Variants in NALCN observed in about 807,000 individuals in gnomAD.
The protein encoded by NALCN is sodium leak channel, non-selective.
Under a neutral mutation model 225.3 loss-of-function variants are expected in NALCN, and 111 were observed. The observed-to-expected ratio is 0.49, with a 90% confidence interval of 0.42 to 0.58. The LOEUF (loss-of-function observed/expected upper bound fraction) is 0.58, where lower values mean the gene tolerates loss of function less well. Among genes scored for constraint, NALCN ranks in the 20% least tolerant of loss-of-function variants. NALCN has a pLI of 0.00. For missense variants in NALCN, 1,378 were observed against 2,202.4 expected (o/e 0.63, Z 7.49); for synonymous variants, 764 against 769.0 (o/e 0.99, Z 0.11).
At chr13:101,148,043 T>C (rs1026077393) in intron 15 of NALCN, among the ~76,000 whole-genome samples, 1 of 152,206 alleles carries the variant, frequency 6.6e-6, no homozygotes, top group African/African-American at 2.4e-5. Context: ...AATCCTATAA[T>C]ATTGCTGTTT....
intron 30 of NALCN, among the ~76,000 whole-genome samples, chr13:101,087,720 C>T (rs2034004549): frequency 6.6e-6 from 1 of 152,204 alleles, no homozygotes; most frequent in Non-Finnish European, 1.5e-5. Flanking sequence ...GGAGACCTCC[C>T]TGGTTATTCT....
At chr13:101,169,400 C>G (rs2038607665) in intron 15 of NALCN, among the ~76,000 whole-genome samples, 1 of 151,986 alleles carries the variant, frequency 6.6e-6, no homozygotes, top group Admixed American at 6.6e-5. Context: ...GCAGAATGTG[C>G]AGGTTTGTTA....
At chr13:101,188,978 G>T (rs560223731) in intron 14 of NALCN, among the ~76,000 whole-genome samples, 1 of 152,070 alleles carries the variant, frequency 6.6e-6, no homozygotes, top group African/African-American at 2.4e-5. Context: ...GTGAGCCACC[G>T]TGCTGGCCAT....
chr13:101,414,174 C>T (rs540200217), intron 1 of NALCN, among the ~76,000 whole-genome samples: 6 of 152,176 alleles, frequency 3.9e-5, no homozygotes, highest in Non-Finnish European at 5.9e-5. Flanking sequence ...CATGAGCCAC[C>T]GTGTGTGGCC....
chr13:101,343,244 C>A lies in NALCN; in HGVS notation c.799+2022G>T, dbSNP rs138510785. On this transcript the variant is annotated intron_variant, in intron 7 of 43. Transcript: ENST00000251127. ...CTATCAATTTCAATCTAAATTATAACGACCATTTAAAAATGTTTTGGTTAT... is the reference window on the plus strand; with the variant it reads ...CTATCAATTTCAATCTAAATTATAAAGACCATTTAAAAATGTTTTGGTTAT... Among the ~76,000 whole-genome samples, 17 of 152,068 alleles carry A rather than the reference C, an allele frequency of 1.1e-4. No homozygotes were observed. In the East Asian group the frequency reaches 3.3e-3, roughly 29 times the overall value.
chr13:101,063,770 C>T (rs1210125048), intron 40 of NALCN, among the ~76,000 whole-genome samples: 1 of 151,912 alleles, frequency 6.6e-6, no homozygotes, highest in Non-Finnish European at 1.5e-5. Flanking sequence ...TTCTGTACAC[C>T]TGAGTTCTCC....
chr13:101,279,758 A>C (rs2043089997), intron 10 of NALCN, among the ~76,000 whole-genome samples: 1 of 149,428 alleles, frequency 6.7e-6, no homozygotes, highest in Non-Finnish European at 1.5e-5. Context: ...CGGAGCTTGC[A>C]GTGAGCCGAG....
chr13:101,262,836 C>A (rs2042475378), intron 10 of NALCN, among the ~76,000 whole-genome samples: 1 of 152,090 alleles, frequency 6.6e-6, no homozygotes, highest in Non-Finnish European at 1.5e-5. Context: ...GTTACTTAAA[C>A]CTCTGTTTTC....
chr13:101,107,688 C>G lies in NALCN; in HGVS notation c.2456+10G>C, dbSNP rs1373812236. On this transcript the variant is annotated intron_variant, in intron 21 of 43. Coordinates refer to ENST00000251127, the MANE Select transcript of NALCN (RefSeq NM_052867.4). ...GAATGAGAGCCATGGGACACTGCAG[C>G]AACCTGTACCTTTTCATCTCTGCTT... 1 of 1,613,956 alleles carries G rather than the reference C, an allele frequency of 6.2e-7. No individual in the cohort carries two copies. Among genetic ancestry groups the G allele is most frequent in the Non-Finnish European group, 8.5e-7 (1 of 1,179,924 alleles).
At chr13:101,351,313 T>C (rs2045902296) in intron 6 of NALCN, among the ~76,000 whole-genome samples, 1 of 152,208 alleles carries the variant, frequency 6.6e-6, no homozygotes, top group South Asian at 2.1e-4. Context: ...AAATGAGTAC[T>C]AGAATCCCTG....
intron 11 of NALCN, among the ~76,000 whole-genome samples, chr13:101,248,464 T>A (rs907001906): frequency 6.6e-6 from 1 of 152,302 alleles, no homozygotes; most frequent in East Asian, 1.9e-4. Flanking sequence ...TAGGTATCTT[T>A]GTTATTTATG....
chr13:101,286,922 G>A (rs2139023671), intron 9 of NALCN, among the ~76,000 whole-genome samples: 1 of 149,948 alleles, frequency 6.7e-6, no homozygotes, highest in Non-Finnish European at 1.5e-5. Flanking sequence ...ACAAACATAG[G>A]ATCTTTTTTT....
intron 28 of NALCN, among the ~76,000 whole-genome samples, chr13:101,095,237 A>C (rs915470426): frequency 1.3e-5 from 2 of 152,174 alleles, no homozygotes; most frequent in Non-Finnish European, 2.9e-5. Context: ...ATATAAACTC[A>C]GGATAAGTTT....
chr13:101,232,728 G>A (rs1318038253), intron 12 of NALCN, among the ~76,000 whole-genome samples: 1 of 152,050 alleles, frequency 6.6e-6, no homozygotes, highest in Non-Finnish European at 1.5e-5. Context: ...TTACAGGTGT[G>A]AGCCACTGCA....
At chr13:101,302,870 A>G (rs1456701147) in intron 7 of NALCN, among the ~76,000 whole-genome samples, 1 of 152,132 alleles carries the variant, frequency 6.6e-6, no homozygotes, top group East Asian at 1.9e-4. Context: ...TTTAAAATTG[A>G]AATTTGTTCA....
At chr13:101,217,223 TG>T (rs1271570336) in intron 13 of NALCN, among the ~76,000 whole-genome samples, 1 of 152,190 alleles carries the variant, frequency 6.6e-6, no homozygotes, top group African/African-American at 2.4e-5. Context: ...ACATGCAATT[TG>T]TTTTTGTTAC....
chr13:101,055,088 AC>A lies in NALCN; in HGVS notation c.*206del. On this transcript the variant is annotated 3_prime_UTR_variant, in exon 44 of 44. Transcript: ENST00000251127. ...CTAATATTATCAGTACTGTCATTAT[AC>A]AAAAATTTTTTTGAGCAATGATTGA... 1 of 557,104 alleles carries A rather than the reference AC, an allele frequency of 1.8e-6. No homozygotes were observed. Among genetic ancestry groups the A allele is most frequent in the East Asian group, 2.9e-5 (1 of 34,676 alleles). The allele number at this position is 557,104 out of a possible 1,614,324, so 34.5% of individuals were successfully genotyped here.
At chr13:101,389,724 A>T (rs1445301099) in intron 3 of NALCN, among the ~76,000 whole-genome samples, 1 of 152,240 alleles carries the variant, frequency 6.6e-6, no homozygotes. Context: ...AACAACAAGA[A>T]GAACAACCAA....
At chr13:101,114,721 C>A (rs920256029) in intron 18 of NALCN, among the ~76,000 whole-genome samples, 44 of 152,252 alleles carry the variant, frequency 2.9e-4, no homozygotes, top group Admixed American at 2.3e-3. Flanking sequence ...AGATGAAAAA[C>A]GTGTTGTTTA....
Sources: gnomAD v4.1 joint callset for allele counts (sites outside exome capture counted in the v4.1 genomes callset) on GRCh38, gnomAD v4.1.1 for gene constraint, MANE v1.5 for transcripts, NCBI Gene and HGNC (gene_info 2026-07-23, HGNC 2026-07-21) for gene names.